PTPRK: variants seen among roughly 807,000 people sequenced by gnomAD.
PTPRK encodes receptor-type tyrosine-protein phosphatase kappa.
Under a neutral mutation model 178.0 loss-of-function variants are expected in PTPRK, and 75 were observed. The ratio of observed to expected loss-of-function variants is 0.42; its 90% CI spans 0.35 to 0.51. PTPRK has a LOEUF of 0.51. Among genes scored for constraint, PTPRK ranks in the 20% least tolerant of loss-of-function variants. PTPRK has a pLI of 0.02. For synonymous variants in PTPRK, 637 were observed against 620.6 expected, an observed-to-expected ratio of 1.03 and a Z score of -0.39; for missense variants, 1,441 against 1,797.8, an observed-to-expected ratio of 0.80 and a Z score of 3.59.
chr6:127,970,309 G>A, intron 29 of PTPRK, 29 bp from the exon 30 acceptor site: 1 of 1,575,766 alleles, frequency 6.3e-7, no homozygotes, highest in South Asian at 1.1e-5. Flanking sequence ...CAAAGAGTGA[G>A]AAAACTTAAG....
chr6:128,173,421 AACTT>A (rs1270258833), intron 7 of PTPRK, among the ~76,000 whole-genome samples: 1 of 152,010 alleles, frequency 6.6e-6, no homozygotes, highest in African/African-American at 2.4e-5. Context: ...GGTTGAAAGA[AACTT>A]ACTTCAATTT....
chr6:128,242,618 A>C lies in PTPRK; in HGVS notation c.496-16T>G. ...CAAATATTACCTGTCAAAAAGAAAC[A>C]GAAAATATTTACAACAATAGTTTTC... On this transcript the variant is annotated splice_polypyrimidine_tract_variant and intron_variant, in intron 3 of 29. Coordinates refer to ENST00000368226, the MANE Select transcript of PTPRK (RefSeq NM_002844.4). 1.2e-6 allele frequency: 2 copies of C among 1,610,260 alleles called. No individual in the cohort carries two copies. Among genetic ancestry groups the C allele is most frequent in the Non-Finnish European group, 1.7e-6 (2 of 1,179,048 alleles).
At position 127,980,259 on chromosome 6, in the gene PTPRK, G is replaced by A. The variant is rs1261835769; in HGVS notation, c.3711+857C>T. On this transcript the variant is annotated intron_variant, in intron 25 of 29. Transcript: ENST00000368226. ...TGGGAAGCAGAGGTTGCAGTGAGCC[G>A]AGATTGTGCCATTGCACTCCAGCCT... Among the ~76,000 whole-genome samples, 7 of 152,156 alleles carry A rather than the reference G, an allele frequency of 4.6e-5. No homozygotes were observed. The East Asian group carries it at 9.6e-4, about 21-fold the overall frequency.
chr6:128,218,937 G>T lies in PTPRK; in HGVS notation c.853C>A (p.Gln285Lys). 6.2e-7 allele frequency: 1 copy of T among 1,610,516 alleles called. No individual in the cohort carries two copies. The highest frequency in any genetic ancestry group is 1.1e-5 in the South Asian group (1 of 90,588). The change falls in exon 6 of 30, where the codon CAA becomes AAA. Residue 285 changes from glutamine (Q) to lysine (K), a missense_variant. Gln to Lys is a moderately conservative substitution (Grantham distance 53). Around this residue, in one of 4 missense-constraint regions of PTPRK, gnomAD observed 945 missense variants for 1,080.6 expected, o/e 0.87. Coordinates refer to ENST00000368226, the MANE Select transcript of PTPRK (RefSeq NM_002844.4). ...ERGSGVSNFAQLIVREPPRPI... is the reference protein window; with the variant it reads ...ERGSGVSNFAKLIVREPPRPI... ...TTCACCTTACCTCTCACAATAAGTT[G>T]AGCAAAATTGGACACACCGGAACCT...
chr6:128,083,235 A>G (rs1037032163), intron 9 of PTPRK, among the ~76,000 whole-genome samples: 3 of 152,014 alleles, frequency 2.0e-5, no homozygotes, highest in Non-Finnish European at 4.4e-5. Context: ...ATATTTGAAA[A>G]GATAATGTTT....
chr6:128,473,815 T>C (rs1490723928), intron 1 of PTPRK, among the ~76,000 whole-genome samples: 8 of 152,102 alleles, frequency 5.3e-5, no homozygotes, highest in African/African-American at 1.9e-4. Context: ...TACTACTGGG[T>C]TAAAAAGCTA....
intron 2 of PTPRK, among the ~76,000 whole-genome samples, chr6:128,365,915 C>A (rs1428478952): frequency 6.6e-6 from 1 of 152,116 alleles, no homozygotes; most frequent in Non-Finnish European, 1.5e-5. Context: ...ATACTTGTGA[C>A]ACAGTCTCAA....
chr6:128,309,854 C>T (rs1467180933), intron 3 of PTPRK, among the ~76,000 whole-genome samples: 2 of 151,858 alleles, frequency 1.3e-5, no homozygotes, highest in Non-Finnish European at 2.9e-5. Context: ...AGTTCACTCC[C>T]TCCCAACAAT....
intron 7 of PTPRK, among the ~76,000 whole-genome samples, chr6:128,111,091 G>C (rs1407908366): frequency 1.3e-5 from 2 of 152,120 alleles, no homozygotes; most frequent in African/African-American, 4.8e-5. Context: ...GAGAAAGCAA[G>C]TGATGTCCTA....
At chr6:128,134,992 A>G (rs1794801037) in intron 7 of PTPRK, among the ~76,000 whole-genome samples, 1 of 151,756 alleles carries the variant, frequency 6.6e-6, no homozygotes, top group Admixed American at 6.6e-5. Flanking sequence ...AACATCCACT[A>G]TTGCAAGAAT....
chr6:128,392,294 A>C (rs1174426754), intron 2 of PTPRK, among the ~76,000 whole-genome samples: 1 of 152,166 alleles, frequency 6.6e-6, no homozygotes, highest in African/African-American at 2.4e-5. Context: ...CAGTGTGTGC[A>C]TTTTAAATAA....
intron 13 of PTPRK, among the ~76,000 whole-genome samples, chr6:128,036,295 A>C (rs1234899422): frequency 6.6e-6 from 1 of 152,142 alleles, no homozygotes; most frequent in African/African-American, 2.4e-5. Context: ...TACACCCAGG[A>C]GATGTTTTAG....
At chr6:128,430,591 G>T (rs866349202) in intron 1 of PTPRK, among the ~76,000 whole-genome samples, 30 of 152,158 alleles carry the variant, frequency 2.0e-4, no homozygotes, top group South Asian at 4.1e-4. Flanking sequence ...AGCAGCTTAT[G>T]CACTTGCATG....
intron 2 of PTPRK, among the ~76,000 whole-genome samples, chr6:128,356,189 T>C (rs1833937852): frequency 6.6e-6 from 1 of 152,044 alleles, no homozygotes; most frequent in African/African-American, 2.4e-5. Flanking sequence ...ACCCCTCTTC[T>C]CCTGTTTCTT....
At position 127,991,373 on chromosome 6, in the gene PTPRK, A is replaced by G. The variant is rs753269824; in HGVS notation, c.2900T>C (p.Val967Ala). The change falls in exon 20 of 30, where the codon GTG becomes GCG. Residue 967 changes from valine (V) to alanine (A), a missense_variant. By Grantham distance (64) the Val-to-Ala change is moderately conservative. Coordinates refer to ENST00000368226, the MANE Select transcript of PTPRK (RefSeq NM_002844.4). Reference sequence around the variant, plus strand: ...CCAAATCATCCTCCAGAAATCATACACTGTTTCATGAACGGGACCTACAAA... The same window carrying G: ...CCAAATCATCCTCCAGAAATCATACGCTGTTTCATGAACGGGACCTACAAA... The part of the protein sequence containing the change: ...IATQGPVHET[V>A]YDFWRMIWQE... 4 of 1,591,742 alleles carry G rather than the reference A, an allele frequency of 2.5e-6. No homozygotes were observed. The highest frequency in any genetic ancestry group is 1.2e-5 in the South Asian group (1 of 86,016).
At chr6:128,244,866 T>C (rs1815165804) in intron 3 of PTPRK, among the ~76,000 whole-genome samples, 2 of 152,056 alleles carry the variant, frequency 1.3e-5, no homozygotes, top group Admixed American at 1.3e-4. Flanking sequence ...AAGACCTAGG[T>C]AAAGGCAAAT....
intron 15 of PTPRK, among the ~76,000 whole-genome samples, chr6:128,002,278 GT>G (rs1279096218): frequency 1.3e-5 from 2 of 151,702 alleles, no homozygotes; most frequent in Admixed American, 1.3e-4. Context: ...ATAAGTTAAA[GT>G]TTTTTGTTCA....
chr6:128,288,190 T>G (rs1370326817), intron 3 of PTPRK, among the ~76,000 whole-genome samples: 1 of 152,200 alleles, frequency 6.6e-6, no homozygotes, highest in East Asian at 1.9e-4. Flanking sequence ...GTATACTCGT[T>G]GGCTGTTCTC....
rs181823728 is a variant in PTPRK at position 128,484,126 on chromosome 6, G to A, written c.100+36133C>T. On this transcript the variant is annotated intron_variant, in intron 1 of 29. Transcript: ENST00000368226. The stretch of plus-strand genomic sequence containing the variant: ...TAGATAGACACCTTATGGTTACCAC[G>A]TGTATCAAATAAAACAAACAAAAAT... 8.9e-3 allele frequency among the ~76,000 whole-genome samples: 1,350 copies of A among 152,040 alleles called. 20 individuals carry two copies. The highest frequency in any genetic ancestry group is 0.039 in the Admixed American group (597 of 15,264).
Sources: gnomAD v4.1 joint callset for allele counts (sites outside exome capture counted in the v4.1 genomes callset) on GRCh38, gnomAD v4.1.1 for gene constraint, gnomAD v4.1.1 regional missense constraint, MANE v1.5 for transcripts, NCBI Gene and HGNC (gene_info 2026-07-23, HGNC 2026-07-21) for gene names.